TNIK: variants seen among roughly 807,000 people sequenced by gnomAD.
TNIK encodes the protein TRAF2 and NCK-interacting protein kinase.
In TNIK, 49 loss-of-function variants were observed where a neutral mutation model predicts 191.3. The observed-to-expected ratio is 0.26, with a 90% CI of 0.20 to 0.32. TNIK has a LOEUF of 0.32. Ranked by LOEUF, TNIK falls within the 10% of genes least tolerant of loss-of-function variation. The probability of loss-of-function intolerance (pLI) is 1.00; values close to 1 mark genes in which losing one functional copy is unlikely to be tolerated. For missense variants in TNIK, 1,155 were observed against 1,702.3 expected (o/e 0.68, Z 5.66); for synonymous variants, 594 against 600.9 (o/e 0.99, Z 0.17).
At chr3:171,275,922 A>G (rs973497790) in intron 2 of TNIK, among the ~76,000 whole-genome samples, 5 of 151,624 alleles carry the variant, frequency 3.3e-5, no homozygotes, top group African/African-American at 1.2e-4. Context: ...ATAAATAATA[A>G]AAAATTAAAA....
intron 1 of TNIK, among the ~76,000 whole-genome samples, chr3:171,433,308 G>A (rs1560068249): frequency 6.6e-6 from 1 of 152,058 alleles, no homozygotes. Flanking sequence ...CTCTTACATT[G>A]GGTTCAAAAA....
At chr3:171,395,221 A>G (rs1720067567) in intron 1 of TNIK, among the ~76,000 whole-genome samples, 1 of 152,226 alleles carries the variant, frequency 6.6e-6, no homozygotes, top group Non-Finnish European at 1.5e-5. Context: ...CTGGCAGTAG[A>G]CAGACACGGG....
At chr3:171,406,069 G>A (rs557833065) in intron 1 of TNIK, among the ~76,000 whole-genome samples, 1 of 152,262 alleles carries the variant, frequency 6.6e-6, no homozygotes, top group South Asian at 2.1e-4. Context: ...TACAATATAG[G>A]TAGGTAAGCA....
chr3:171,265,360 A>C (rs1373759546), intron 2 of TNIK, among the ~76,000 whole-genome samples: 1 of 152,192 alleles, frequency 6.6e-6, no homozygotes, highest in Admixed American at 6.5e-5. Flanking sequence ...CATTTTAAAG[A>C]TGTGTGGATG....
intron 2 of TNIK, among the ~76,000 whole-genome samples, chr3:171,312,349 T>A (rs879572907): frequency 1.3e-5 from 2 of 151,990 alleles, no homozygotes; most frequent in Admixed American, 1.3e-4. Flanking sequence ...AATAGTTCTA[T>A]GTAACTATAT....
intron 12 of TNIK, among the ~76,000 whole-genome samples, chr3:171,156,327 A>G (rs1733169759): frequency 6.6e-6 from 1 of 152,196 alleles, no homozygotes; most frequent in Admixed American, 6.5e-5. Context: ...TAAACCAGGG[A>G]GGCTGGACCT....
chr3:171,238,350 T>C (rs1744556932), intron 2 of TNIK, among the ~76,000 whole-genome samples: 1 of 151,854 alleles, frequency 6.6e-6, no homozygotes, highest in South Asian at 2.1e-4. Flanking sequence ...ATATTGTATA[T>C]ATACAAATAT....
At chr3:171,410,141 C>T (rs991533714) in intron 1 of TNIK, among the ~76,000 whole-genome samples, 4 of 152,124 alleles carry the variant, frequency 2.6e-5, no homozygotes, top group East Asian at 1.9e-4. Flanking sequence ...GGTCCCAGCA[C>T]CTATCTGTAA....
intron 1 of TNIK, among the ~76,000 whole-genome samples, chr3:171,431,096 G>A (rs1725324416): frequency 6.6e-6 from 1 of 151,772 alleles, no homozygotes; most frequent in South Asian, 2.1e-4. Context: ...ATTTCAGAAA[G>A]GTTAAATTAA....
chr3:171,179,350 T>C (rs1736354781), intron 7 of TNIK, among the ~76,000 whole-genome samples: 1 of 152,242 alleles, frequency 6.6e-6, no homozygotes, highest in Non-Finnish European at 1.5e-5. Flanking sequence ...AGTGAGGTTA[T>C]TTCCGGAGCT....
intron 28 of TNIK, among the ~76,000 whole-genome samples, chr3:171,071,730 A>C (rs1719209884): frequency 6.6e-6 from 1 of 152,208 alleles, no homozygotes; most frequent in African/African-American, 2.4e-5. Flanking sequence ...AAAATTAGCA[A>C]ATGGGCAGAT....
chr3:171,409,735 T>G (rs774718078), intron 1 of TNIK, among the ~76,000 whole-genome samples: 2 of 149,262 alleles, frequency 1.3e-5, no homozygotes, highest in Non-Finnish European at 3.0e-5. Flanking sequence ...TGTCAGAGAA[T>G]CCTGTGCATC....
intron 1 of TNIK, among the ~76,000 whole-genome samples, chr3:171,377,727 T>C (rs542570658): frequency 6.6e-6 from 1 of 152,238 alleles, no homozygotes; most frequent in African/African-American, 2.4e-5. Context: ...AAGGTAAAAA[T>C]ACCTGTCATG....
At chr3:171,201,235 A>C (rs1445378033) in intron 4 of TNIK, among the ~76,000 whole-genome samples, 1 of 152,102 alleles carries the variant, frequency 6.6e-6, no homozygotes, top group African/African-American at 2.4e-5. Context: ...CCCCATCTCT[A>C]CTAAAAATAC....
At chr3:171,260,302 G>A (rs550077019) in intron 2 of TNIK, among the ~76,000 whole-genome samples, 6 of 152,110 alleles carry the variant, frequency 3.9e-5, no homozygotes, top group South Asian at 2.1e-4. Context: ...TTTCTCTCCC[G>A]CTGCAAGATG....
At chr3:171,457,143 A>G (rs1728885459) in intron 1 of TNIK, among the ~76,000 whole-genome samples, 1 of 152,228 alleles carries the variant, frequency 6.6e-6, no homozygotes, top group African/African-American at 2.4e-5. Context: ...CCTATTTTCT[A>G]ACCAAAGAAG....
intron 21 of TNIK, among the ~76,000 whole-genome samples, chr3:171,104,861 C>CTTTGAAATT (rs1393931570): frequency 6.6e-6 from 1 of 152,028 alleles, no homozygotes; most frequent in South Asian, 2.1e-4. Context: ...AATTGATGTG[C>CTTTGAAATT]TTTGAAATTT....
chr3:171,317,899 T>C (rs1466531555), intron 2 of TNIK, among the ~76,000 whole-genome samples: 1 of 152,172 alleles, frequency 6.6e-6, no homozygotes, highest in Non-Finnish European at 1.5e-5. Flanking sequence ...CTTGAGAATA[T>C]ATTGAAATTG....
chr3:171,140,441 C>T lies in TNIK; in HGVS notation c.1290G>A (p.Gln430=), dbSNP rs1219471224. The T allele has an allele frequency of 1.2e-6, 2 of 1,610,942 alleles. No homozygotes were observed. The highest frequency in any genetic ancestry group is 3.4e-5 in the Admixed American group (2 of 59,564). ...GCCTCCTCTCCTCCTCCCGGCGCATCTGCTCCTCATAGTGCCGGCGCTGCT... is the reference window on the plus strand; with the variant it reads ...GCCTCCTCTCCTCCTCCCGGCGCATTTGCTCCTCATAGTGCCGGCGCTGCT... ...EREQRRHYEE[Q]MRREEERRRA... is the part of the protein sequence containing the mutation. Residue 430 remains glutamine, a synonymous_variant, in exon 13 of 33, where the codon CAG becomes CAA. Transcript: ENST00000436636.
Sources: gnomAD v4.1 joint callset for allele counts (sites outside exome capture counted in the v4.1 genomes callset) on GRCh38, gnomAD v4.1.1 for gene constraint, MANE v1.5 for transcripts, NCBI Gene and HGNC (gene_info 2026-07-23, HGNC 2026-07-21) for gene names.